LINGO1: variants seen among roughly 807,000 people sequenced by gnomAD.
The protein encoded by LINGO1 is leucine rich repeat and Ig domain containing 1.
Under a neutral mutation model 37.3 loss-of-function variants are expected in LINGO1, and 11 were observed. That is an observed-to-expected ratio of 0.29 (90% CI 0.19 to 0.49). The LOEUF (loss-of-function observed/expected upper bound fraction) is 0.49, where lower values mean the gene tolerates loss of function less well. LINGO1 is among the 20% of genes least tolerant of loss of function. The pLI is 0.99. For missense variants in LINGO1, 585 were observed against 878.2 expected (o/e 0.67, Z 4.22); for synonymous variants, 387 against 403.0 (o/e 0.96, Z 0.48).
At chr15:77,626,255 G>A (rs1168536766) in intron 1 of LINGO1, among the ~76,000 whole-genome samples, 1 of 144,442 alleles carries the variant, frequency 6.9e-6, no homozygotes, top group African/African-American at 2.9e-5. Flanking sequence ...GGCGGGGCTG[G>A]GTCAGGGACA....
Position 77,776,488 on chromosome 15 carries a change from A to AGCAGGAAGGCAGGAAG in LINGO1, c.-257+10365_-257+10380dup, listed in dbSNP as rs1204753224. 9.3e-3 allele frequency among the ~76,000 whole-genome samples: 845 copies of AGCAGGAAGGCAGGAAG among 90,440 alleles called. 43 individuals are homozygous for AGCAGGAAGGCAGGAAG. The highest frequency in any genetic ancestry group is 0.04 in the African/African-American group (794 of 19,996). 59.3% of individuals were successfully genotyped at this position (90,440 alleles called of 152,430 possible). The stretch of plus-strand genomic sequence containing the variant: ...AGGCAGGAAGGCAGGAAGGCAGGAA[A>AGCAGGAAGGCAGGAAG]GCAGGAAGGCAGGAAGGCAGGAAGG... On this transcript the variant is annotated intron_variant, in intron 1 of 3. Transcript: ENST00000561686.
intron 3 of LINGO1, among the ~76,000 whole-genome samples, chr15:77,661,623 T>C (rs1321433621): frequency 1.3e-5 from 2 of 152,232 alleles, no homozygotes; most frequent in African/African-American, 2.4e-5. Context: ...CAAGACCTTC[T>C]CTGGCCCGAG....
At chr15:77,781,056 G>A (rs747288568) in intron 1 of LINGO1, among the ~76,000 whole-genome samples, 3 of 152,240 alleles carry the variant, frequency 2.0e-5, no homozygotes, top group Non-Finnish European at 4.4e-5. Context: ...CTTGGACACC[G>A]CAGACCTGGC....
upstream of LINGO1, among the ~76,000 whole-genome samples, chr15:77,638,153 G>A (rs990883834): frequency 5.3e-5 from 8 of 152,232 alleles, no homozygotes; most frequent in African/African-American, 1.9e-4. Context: ...TGAGGTCTGG[G>A]CCTGGCCCCC....
At chr15:77,698,927 G>A (rs2075732432), upstream of LINGO1, among the ~76,000 whole-genome samples, 1 of 152,126 alleles carries the variant, frequency 6.6e-6, no homozygotes, top group African/African-American at 2.4e-5. Context: ...CTGCCCTAGT[G>A]GGTGCCCCGT....
upstream of LINGO1, among the ~76,000 whole-genome samples, chr15:77,638,612 G>T (rs1380786718): frequency 6.6e-6 from 1 of 152,184 alleles, no homozygotes; most frequent in African/African-American, 2.4e-5. Context: ...TGTTGTGCAG[G>T]AGACTTGTTT....
intron 3 of LINGO1, among the ~76,000 whole-genome samples, chr15:77,639,688 A>G (rs1162871171): frequency 6.6e-6 from 1 of 152,190 alleles, no homozygotes; most frequent in African/African-American, 2.4e-5. Context: ...GTGATCTCAT[A>G]AACACGATGT....
chr15:77,744,838 G>A lies in LINGO1; in HGVS notation c.-256-9785C>T, dbSNP rs368809792. Among the ~76,000 whole-genome samples the A allele has an allele frequency of 1.3e-4, 20 of 152,134 alleles. No homozygotes were observed. The East Asian group carries it at 3.1e-3, about 24-fold the overall frequency. On this transcript the variant is annotated intron_variant, in intron 1 of 3. Transcript: ENST00000561686. Reference sequence around the variant, plus strand: ...TTGCTTAAGAAGCTGTTTCCTAGCCGGGCACAGTGGCTCACGCCTGTAATC... The same window carrying A: ...TTGCTTAAGAAGCTGTTTCCTAGCCAGGCACAGTGGCTCACGCCTGTAATC...
intron 1 of LINGO1, among the ~76,000 whole-genome samples, chr15:77,627,027 C>A (rs1292281343): frequency 6.6e-6 from 1 of 151,366 alleles, no homozygotes; most frequent in African/African-American, 2.4e-5. Context: ...CCCCCACCCC[C>A]TCCCAGAGGC....
chr15:77,729,623 ACCT>A (rs983738680), intron 2 of LINGO1, among the ~76,000 whole-genome samples: 11 of 151,514 alleles, frequency 7.3e-5, no homozygotes, highest in Admixed American at 6.6e-4. Flanking sequence ...CTGAGATCTG[ACCT>A]CCACTCTCCA....
intron 1 of LINGO1, among the ~76,000 whole-genome samples, chr15:77,623,714 T>C (rs984136113): frequency 1.1e-4 from 14 of 127,118 alleles, no homozygotes; most frequent in African/African-American, 4.1e-4. Flanking sequence ...CAGACCCCCA[T>C]GGGGACAGAA....
chr15:77,618,414 C>G (rs2142503735), intron 1 of LINGO1, among the ~76,000 whole-genome samples: 1 of 152,320 alleles, frequency 6.6e-6, no homozygotes, highest in South Asian at 2.1e-4. Context: ...AGAACTGTCC[C>G]AGACTCCTGC....
intron 1 of LINGO1, among the ~76,000 whole-genome samples, chr15:77,760,921 T>C (rs1333303178): frequency 1.3e-5 from 1 of 76,280 alleles, no homozygotes; most frequent in African/African-American, 4.6e-5. Context: ...AGTATCTTTT[T>C]TTTTTTTTTT....
intron 3 of LINGO1, among the ~76,000 whole-genome samples, chr15:77,672,756 C>A (rs1229881991): frequency 6.6e-6 from 1 of 152,204 alleles, no homozygotes; most frequent in African/African-American, 2.4e-5. Context: ...AGGTAAGGCC[C>A]CGTGTGCCTA....
In LINGO1 at chr15:77,813,310, T is replaced by C. The variant is rs115654004; in HGVS notation, c.-458+6948A>G. Among the ~76,000 whole-genome samples the C allele has an allele frequency of 9.4e-3, 1,433 of 152,150 alleles. 24 individuals carry two copies. Among genetic ancestry groups the C allele is most frequent in the African/African-American group, 0.033 (1,364 of 41,478 alleles). ...TCCACGGACAGGGATGGGGGAGAAC[T>C]CTCAGGTGGAAGGACCATGGAGGAG... is the stretch of plus-strand genomic sequence containing the variant. On this transcript the variant is annotated intron_variant, in intron 1 of 5. Transcript: ENST00000562933.
chr15:77,749,447 T>C (rs11072670), intron 1 of LINGO1, among the ~76,000 whole-genome samples: 52,037 of 152,022 alleles, frequency 0.34, 9,829 homozygotes, highest in Admixed American at 0.46. Flanking sequence ...TCTCAGTCTT[T>C]TACATCCTGG....
At chr15:77,677,998 C>A (rs1256752484) in intron 2 of LINGO1, among the ~76,000 whole-genome samples, 1 of 152,238 alleles carries the variant, frequency 6.6e-6, no homozygotes, top group East Asian at 1.9e-4. Flanking sequence ...CCAGACCACA[C>A]AGCCACCTGC....
At chr15:77,656,736 C>A (rs1323616700) in intron 3 of LINGO1, among the ~76,000 whole-genome samples, 3 of 152,234 alleles carry the variant, frequency 2.0e-5, no homozygotes, top group African/African-American at 7.2e-5. Context: ...TGTTAGGCAC[C>A]CTCTGCCTCC....
intron 2 of LINGO1, among the ~76,000 whole-genome samples, chr15:77,687,532 T>G (rs1284117280): frequency 6.6e-6 from 1 of 152,244 alleles, no homozygotes; most frequent in Non-Finnish European, 1.5e-5. Flanking sequence ...GCAGCTGTGC[T>G]GGGATTCCCA....
Sources: gnomAD v4.1 joint callset for allele counts (sites outside exome capture counted in the v4.1 genomes callset) on GRCh38, gnomAD v4.1.1 for gene constraint, MANE v1.5 for transcripts, NCBI Gene and HGNC (gene_info 2026-07-23, HGNC 2026-07-21) for gene names.